The following TRPC4AP variants were observed in gnomAD, a reference collection of about 807,000 sequenced individuals.
TRPC4AP encodes short transient receptor potential channel 4-associated protein.
A neutral mutation model predicts 99.0 loss-of-function variants in TRPC4AP; 45 were observed. The observed-to-expected ratio is 0.45, with a 90% CI of 0.36 to 0.58. TRPC4AP has a LOEUF of 0.58. Ranked by LOEUF, TRPC4AP falls within the 20% of genes least tolerant of loss-of-function variation. The pLI is 0.00. For missense variants in TRPC4AP, 879 were observed against 985.3 expected (o/e 0.89, Z 1.44); for synonymous variants, 408 against 385.8 (o/e 1.06, Z -0.67).
At chr20:35,008,809 G>A in intron 12 of TRPC4AP, 62 bp from the exon 13 acceptor site, 1 of 1,477,472 alleles carries the variant, frequency 6.8e-7, no homozygotes, top group Non-Finnish European at 9.4e-7. Flanking sequence ...CTGGGGATGG[G>A]TCATTCTGCT....
At position 35,077,996 on chromosome 20, in the gene TRPC4AP, G is replaced by C. The variant is rs371487351; in HGVS notation, c.297+50C>G. The C allele has an allele frequency of 2.6e-6, 4 of 1,510,092 alleles. No individual in the cohort carries two copies. In the African/African-American group the frequency reaches 5.6e-5, roughly 21 times the overall value. 93.5% of individuals were successfully genotyped at this position (1,510,092 alleles called of 1,614,324 possible). On this transcript the variant is annotated intron_variant, in intron 2 of 18. Transcript: ENST00000252015. ...GGAAAAAAAAAACAGCAGACATCTT[G>C]TGTCACCTAGAGGCCCTGAATACGC...
intron 11 of TRPC4AP, among the ~76,000 whole-genome samples, chr20:35,010,988 C>T (rs1469779969): frequency 3.3e-5 from 5 of 152,140 alleles, no homozygotes; most frequent in Admixed American, 1.3e-4. Context: ...AGGCCGGGCG[C>T]GGTGGTTCAC....
At chr20:35,020,384 T>C (rs2082856923) in intron 9 of TRPC4AP, among the ~76,000 whole-genome samples, 1 of 152,170 alleles carries the variant, frequency 6.6e-6, no homozygotes, top group Non-Finnish European at 1.5e-5. Flanking sequence ...TCCTGGCTGT[T>C]TGCTCCAGGC....
chr20:35,017,708 G>A (rs2082787030), intron 9 of TRPC4AP, among the ~76,000 whole-genome samples: 1 of 152,182 alleles, frequency 6.6e-6, no homozygotes, highest in Non-Finnish European at 1.5e-5. Flanking sequence ...TTTATCTTGG[G>A]AGACCAGAAG....
Position 35,017,950 on chromosome 20 carries a change from A to C in TRPC4AP, c.1219-1811T>G, listed in dbSNP as rs140599073. 1.0e-2 allele frequency among the ~76,000 whole-genome samples: 1,522 copies of C among 152,310 alleles called. 9 individuals carry two copies. The highest frequency in any genetic ancestry group is 0.014 in the Non-Finnish European group (968 of 68,022). On this transcript the variant is annotated intron_variant, in intron 9 of 18. Transcript: ENST00000252015. ...GTTCTGCCACTCAGGCCTTTACTAA[A>C]ACCCAGCCTGGATCTACCTTGCCCT...
chr20:35,051,505 G>C (rs2083699949), intron 5 of TRPC4AP, among the ~76,000 whole-genome samples: 1 of 151,258 alleles, frequency 6.6e-6, no homozygotes, highest in Non-Finnish European at 1.5e-5. Context: ...CATCAATAAA[G>C]ATGTGCCACG....
At chr20:35,085,437 C>T (rs1396039956) in intron 1 of TRPC4AP, among the ~76,000 whole-genome samples, 1 of 152,012 alleles carries the variant, frequency 6.6e-6, no homozygotes, top group East Asian at 1.9e-4. Context: ...CATGGCAGAA[C>T]CTTATCTCTA....
intron 8 of TRPC4AP, among the ~76,000 whole-genome samples, chr20:35,031,237 T>TC (rs1569103345): frequency 6.6e-6 from 1 of 151,904 alleles, no homozygotes; most frequent in African/African-American, 2.4e-5. Flanking sequence ...TTTCAGGATT[T>TC]TTTTTTTTTC....
chr20:35,007,785 G>A (rs2147266564), intron 13 of TRPC4AP, 145 bp from the exon 14 acceptor site: 1 of 818,180 alleles, frequency 1.2e-6, no homozygotes, highest in East Asian at 2.7e-5. Context: ...TTCATCCTGG[G>A]CCTGGGGACA....
At chr20:35,053,930 G>GT (rs2083762332) in intron 5 of TRPC4AP, among the ~76,000 whole-genome samples, 1 of 152,126 alleles carries the variant, frequency 6.6e-6, no homozygotes, top group Non-Finnish European at 1.5e-5. Context: ...GCTGAATTAC[G>GT]TAAGTGTTCA....
chr20:35,019,129 C>T (rs529910392), intron 9 of TRPC4AP, among the ~76,000 whole-genome samples: 13 of 152,190 alleles, frequency 8.5e-5, no homozygotes, highest in African/African-American at 2.7e-4. Context: ...AAGGAGGAAG[C>T]CTTCTGTGAG....
In TRPC4AP at chr20:35,021,188, A is replaced by T; in HGVS notation, c.1218+2T>A. ...GTCCTGAGACGCTGGAGAGGGGCCC[A>T]CCTGGTTTCGCTGACGCCCCATCAG... On this transcript the variant is annotated splice_donor_variant, in intron 9 of 18. Transcript: ENST00000252015. LOFTEE classifies it high-confidence loss of function. The T allele has an allele frequency of 6.2e-7, 1 of 1,610,486 alleles. No homozygotes were observed.
chr20:35,031,711 T>G (rs1188341882), intron 8 of TRPC4AP, among the ~76,000 whole-genome samples: 1 of 152,140 alleles, frequency 6.6e-6, no homozygotes, highest in African/African-American at 2.4e-5. Flanking sequence ...ATTATGCATA[T>G]CTTGGTGTGC....
chr20:35,090,840 T>G (rs2085040600), intron 1 of TRPC4AP, among the ~76,000 whole-genome samples: 1 of 152,170 alleles, frequency 6.6e-6, no homozygotes, highest in Non-Finnish European at 1.5e-5. Flanking sequence ...TCATCTAACC[T>G]CTCTGAGCCT....
intron 9 of TRPC4AP, among the ~76,000 whole-genome samples, chr20:35,020,324 C>T (rs75229350): frequency 1.2e-4 from 18 of 152,282 alleles, no homozygotes; most frequent in African/African-American, 4.3e-4. Flanking sequence ...TTTAAAATGG[C>T]CTGTGACAGC....
chr20:35,068,863 G>A (rs66535333), intron 3 of TRPC4AP, among the ~76,000 whole-genome samples: 59,261 of 149,496 alleles, frequency 0.4, 12,909 homozygotes, highest in East Asian at 0.59. Context: ...AAGAAAGAAG[G>A]TACAGAATAG....
chr20:35,019,771 T>C (rs1477414516), intron 9 of TRPC4AP, among the ~76,000 whole-genome samples: 5 of 152,230 alleles, frequency 3.3e-5, no homozygotes, highest in African/African-American at 9.6e-5. Flanking sequence ...GGGACACCAA[T>C]GCTGTGGCTA....
intron 1 of TRPC4AP, among the ~76,000 whole-genome samples, chr20:35,078,531 T>C (rs1323756906): frequency 2.0e-5 from 3 of 152,084 alleles, no homozygotes; most frequent in Non-Finnish European, 4.4e-5. Flanking sequence ...AATGGAACCA[T>C]ATAAACTGCT....
At chr20:35,069,470 C>G in intron 2 of TRPC4AP, 58 bp from the exon 3 acceptor site, 1 of 1,098,050 alleles carries the variant, frequency 9.1e-7, no homozygotes, top group Non-Finnish European at 1.4e-6. Context: ...AGACCAGACA[C>G]TAAAGCATCA....
Sources: gnomAD v4.1 joint callset for allele counts (sites outside exome capture counted in the v4.1 genomes callset) on GRCh38, gnomAD v4.1.1 for gene constraint, MANE v1.5 for transcripts, NCBI Gene and HGNC (gene_info 2026-07-23, HGNC 2026-07-21) for gene names.